STARD13: variants seen among roughly 807,000 people sequenced by gnomAD.
STARD13 encodes the protein StAR related lipid transfer domain containing 13, also known as stAR-related lipid transfer protein 13.
Under a neutral mutation model 106.4 loss-of-function variants are expected in STARD13, and 62 were observed. The ratio of observed to expected loss-of-function variants is 0.58; its 90% CI spans 0.48 to 0.72. The LOEUF is 0.72. Ranked by LOEUF, STARD13 falls within the 30% of genes least tolerant of loss-of-function variation. The probability of loss-of-function intolerance (pLI) is 0.00; values close to 1 mark genes in which losing one functional copy is unlikely to be tolerated. For synonymous variants in STARD13, 565 were observed against 553.0 expected, an observed-to-expected ratio of 1.02 and a Z score of -0.31; for missense variants, 1,387 against 1,424.0, an observed-to-expected ratio of 0.97 and a Z score of 0.42.
the STARD13 span, among the ~76,000 whole-genome samples, chr13:33,465,463 A>G: frequency 2.6e-5 from 4 of 151,986 alleles, no homozygotes; most frequent in Admixed American, 6.6e-5. Flanking sequence ...CGGCCTCCCA[A>G]AGTGCTGGGA....
chr13:33,136,078 G>A lies in STARD13; in HGVS notation c.388-5789C>T, dbSNP rs181306480. 1.1e-3 allele frequency among the ~76,000 whole-genome samples: 173 copies of A among 151,754 alleles called. 1 individual carries two copies. The highest frequency in any genetic ancestry group is 3.8e-3 in the African/African-American group (157 of 41,336). The stretch of plus-strand genomic sequence containing the variant: ...AGAGGTTGCAGTGAGCTGAGTTTGC[G>A]CCACTGCACTGTAGCCTGGGTGATG... On this transcript the variant is annotated intron_variant, in intron 4 of 13. Transcript: ENST00000336934.
the STARD13 span, chr13:33,524,216 A>G: frequency 7.9e-7 from 1 of 1,268,574 alleles, no homozygotes; most frequent in South Asian, 1.3e-5. Flanking sequence ...CCAGGGGCAT[A>G]TGTAAGAAAA....
chr13:33,625,649 G>C, the STARD13 span, among the ~76,000 whole-genome samples: 2 of 152,112 alleles, frequency 1.3e-5, no homozygotes, highest in Non-Finnish European at 2.9e-5. Context: ...TAATGTCTGA[G>C]AGCACAGTTA....
intron 12 of STARD13, among the ~76,000 whole-genome samples, chr13:33,108,116 T>A (rs1308475451): frequency 6.6e-6 from 1 of 152,100 alleles, no homozygotes; most frequent in East Asian, 1.9e-4. Flanking sequence ...AATGGGAGAA[T>A]CTCCAGCAAC....
chr13:33,217,602 C>G (rs142188256), intron 1 of STARD13, among the ~76,000 whole-genome samples: 1 of 152,070 alleles, frequency 6.6e-6, no homozygotes, highest in Non-Finnish European at 1.5e-5. Context: ...CTCCACTTAG[C>G]GCTGCATGAG....
chr13:33,221,563 C>T (rs911322225), intron 1 of STARD13, among the ~76,000 whole-genome samples: 4 of 152,164 alleles, frequency 2.6e-5, no homozygotes, highest in African/African-American at 7.2e-5. Flanking sequence ...ATCCCTCCTC[C>T]TGTTCCTCTG....
chr13:33,449,989 G>C, the STARD13 span, among the ~76,000 whole-genome samples: 1 of 152,044 alleles, frequency 6.6e-6, no homozygotes, highest in African/African-American at 2.4e-5. Flanking sequence ...TTTGTGTGAA[G>C]TACGGGGTTT....
chr13:33,336,199 C>A (rs935780218), intron 1 of STARD13: 17 of 152,174 alleles, frequency 1.1e-4, no homozygotes, highest in African/African-American at 3.9e-4. Flanking sequence ...GCTTAAATTT[C>A]TGAATACTAA....
At chr13:33,402,617 A>C in the STARD13 span, among the ~76,000 whole-genome samples, 1 of 152,216 alleles carries the variant, frequency 6.6e-6, no homozygotes, top group Non-Finnish European at 1.5e-5. Context: ...ATATCCCCCT[A>C]TCCTGTACCC....
chr13:33,281,012 C>T (rs1891749890), intron 1 of STARD13: 1 of 152,186 alleles, frequency 6.6e-6, no homozygotes, highest in Non-Finnish European at 1.5e-5. Flanking sequence ...AATAAAGCCG[C>T]TCTGTTGCCT....
At chr13:33,665,943 G>A in the STARD13 span, among the ~76,000 whole-genome samples, 2 of 152,168 alleles carry the variant, frequency 1.3e-5, no homozygotes, top group Non-Finnish European at 2.9e-5. Flanking sequence ...TGGGCTGCAC[G>A]TGTCAGTAGA....
At chr13:33,550,526 C>G in the STARD13 span, among the ~76,000 whole-genome samples, 1 of 152,168 alleles carries the variant, frequency 6.6e-6, no homozygotes, top group Non-Finnish European at 1.5e-5. Flanking sequence ...AGATTTTCAT[C>G]AGTGATGACC....
At chr13:33,123,394 G>A (rs541623457) in intron 7 of STARD13, among the ~76,000 whole-genome samples, 1 of 152,276 alleles carries the variant, frequency 6.6e-6, no homozygotes, top group South Asian at 2.1e-4. Context: ...CTTTAGAAAT[G>A]TGCTCAGCTA....
chr13:33,259,219 A>G (rs184917426), intron 1 of STARD13, among the ~76,000 whole-genome samples: 8 of 152,358 alleles, frequency 5.3e-5, no homozygotes, highest in Non-Finnish European at 8.8e-5. Context: ...GAATGAATAA[A>G]TGCAGGAATG....
At chr13:33,585,487 A>T in the STARD13 span, among the ~76,000 whole-genome samples, 1 of 152,202 alleles carries the variant, frequency 6.6e-6, no homozygotes, top group Admixed American at 6.5e-5. Context: ...TGAGCTCAGG[A>T]GTTCAAGACT....
At chr13:33,271,877 T>C (rs1213505047) in intron 1 of STARD13, among the ~76,000 whole-genome samples, 2 of 151,860 alleles carry the variant, frequency 1.3e-5, no homozygotes, top group African/African-American at 4.8e-5. Flanking sequence ...TGCCTACGTA[T>C]AATTATGAAG....
chr13:33,161,961 A>G (rs957164444), intron 3 of STARD13, among the ~76,000 whole-genome samples: 2 of 152,242 alleles, frequency 1.3e-5, no homozygotes, highest in East Asian at 3.9e-4. Flanking sequence ...AGTATGGGGG[A>G]AACTGCCCCC....
chr13:33,388,388 G>T, the STARD13 span, among the ~76,000 whole-genome samples: 6 of 152,242 alleles, frequency 3.9e-5, no homozygotes, highest in Non-Finnish European at 8.8e-5. Context: ...TATCTTAGTG[G>T]ATGGGCAAAG....
chr13:33,413,688 G>A, the STARD13 span, among the ~76,000 whole-genome samples: 1 of 151,982 alleles, frequency 6.6e-6, no homozygotes. Flanking sequence ...TTAGAAAATA[G>A]GCAAAAGAAA....
Sources: gnomAD v4.1 joint callset for allele counts (sites outside exome capture counted in the v4.1 genomes callset) on GRCh38, gnomAD v4.1.1 for gene constraint, MANE v1.5 for transcripts, NCBI Gene and HGNC (gene_info 2026-07-23, HGNC 2026-07-21) for gene names.